Variants in BDP1 observed in about 807,000 individuals in gnomAD.
The protein encoded by BDP1 is BDP1 general transcription factor IIIB subunit, also known as transcription factor TFIIIB component B'' homolog.
Under a neutral mutation model 266.6 loss-of-function variants are expected in BDP1, and 169 were observed. The observed-to-expected ratio is 0.63, with a 90% confidence interval of 0.56 to 0.72. The LOEUF (loss-of-function observed/expected upper bound fraction) is 0.72. BDP1 is among the 30% of genes least tolerant of loss of function. The probability of loss-of-function intolerance (pLI) is 0.00; values close to 1 mark genes in which losing one functional copy is unlikely to be tolerated. For synonymous variants in BDP1, 1,090 were observed against 1,022.4 expected (o/e 1.07, Z -1.26); for missense variants, 3,015 against 3,053.8 (o/e 0.99, Z 0.30).
At chr5:71,558,814 G>A (rs1351471570) in intron 36 of BDP1, among the ~76,000 whole-genome samples, 26 of 140,594 alleles carry the variant, frequency 1.8e-4, no homozygotes, top group African/African-American at 5.3e-4. Flanking sequence ...CAACAAGAGC[G>A]AAACTCTGTC....
chr5:71,455,973 GTCTCCCAGGCCGCCGGAT>G lies in BDP1; in HGVS notation c.97_114del (p.Ser33_Asp38del). ...CTTCCAATCCCCAGCGTGGACGGGA[GTCTCCCAGGCCGCCGGAT>G]CCTGCCACGGACTCTGCTTCCAAGC... On this transcript the variant is annotated inframe_deletion, in exon 1 of 39. Coordinates refer to ENST00000358731, the MANE Select transcript of BDP1 (RefSeq NM_018429.3). 6.2e-7 allele frequency: 1 copy of G among 1,613,362 alleles called. No homozygotes were observed. The highest frequency in any genetic ancestry group is 2.2e-5 in the East Asian group (1 of 44,880).
chr5:71,510,299 A>C lies in BDP1; in HGVS notation c.3207A>C (p.Arg1069Ser). Residue 1069 changes from arginine (R) to serine (S), a missense_variant, in exon 17 of 39, where the codon AGA (arginine) becomes AGC (serine). Transcript: ENST00000358731. ...EMETDLKATG[R>S]DSFPRGKTPE... Reference sequence around the variant, plus strand: ...AGACGGATTTGAAAGCAACTGGAAGAGACAGTTTCCCAAGGGGGAAGACAC... The same window carrying C: ...AGACGGATTTGAAAGCAACTGGAAGCGACAGTTTCCCAAGGGGGAAGACAC... 6.2e-7 allele frequency: 1 copy of C among 1,612,664 alleles called. No individual in the cohort carries two copies. Among genetic ancestry groups the C allele is most frequent in the East Asian group, 2.2e-5 (1 of 44,748 alleles).
chr5:71,488,725 A>G (rs1222357647), intron 9 of BDP1, among the ~76,000 whole-genome samples: 1 of 144,666 alleles, frequency 6.9e-6, no homozygotes, highest in Non-Finnish European at 1.5e-5. Flanking sequence ...CACCATGCCC[A>G]GCCCAGAGTT....
intron 22 of BDP1, among the ~76,000 whole-genome samples, chr5:71,520,649 C>T (rs1765447257): frequency 6.7e-6 from 1 of 150,118 alleles, no homozygotes; most frequent in African/African-American, 2.5e-5. Flanking sequence ...TCATTTATTC[C>T]ACAAACATTT....
At position 71,565,421 on chromosome 5, in the gene BDP1, G is replaced by A; in HGVS notation, c.*536G>A. ...ACAGTGGTCCCATGCAATTAAAATG[G>A]AGATAAATTCCTATCAACTAGTGAC... On this transcript the variant is annotated 3_prime_UTR_variant, in exon 39 of 39. Coordinates refer to ENST00000358731, the MANE Select transcript of BDP1 (RefSeq NM_018429.3). The A allele has an allele frequency of 6.6e-6, 1 of 152,404 alleles. No homozygotes were observed. The highest frequency in any genetic ancestry group is 3.2e-3 in the Middle Eastern group (1 of 316). 9.4% of individuals were successfully genotyped at this position (152,404 alleles called of 1,614,324 possible).
intron 37 of BDP1, among the ~76,000 whole-genome samples, chr5:71,561,012 G>A (rs1221431076): frequency 6.6e-6 from 1 of 152,202 alleles, no homozygotes; most frequent in Non-Finnish European, 1.5e-5. Context: ...TCAGGAGGCT[G>A]AGGCCGGAGT....
At chr5:71,533,884 A>G (rs985279162) in intron 26 of BDP1, among the ~76,000 whole-genome samples, 1 of 152,148 alleles carries the variant, frequency 6.6e-6, no homozygotes, top group African/African-American at 2.4e-5. Context: ...GGCCATTTGT[A>G]TATCATCTTT....
the BDP1 span, among the ~76,000 whole-genome samples, chr5:71,573,217 G>C: frequency 2.1e-5 from 3 of 141,560 alleles, no homozygotes; most frequent in Non-Finnish European, 4.5e-5. Flanking sequence ...GACAGAACGA[G>C]ACTCTGTTTC....
chr5:71,562,456 A>T lies in BDP1; in HGVS notation c.7679A>T (p.Asp2560Val). The T allele has an allele frequency of 1.2e-6, 2 of 1,613,944 alleles. No homozygotes were observed. Among genetic ancestry groups the T allele is most frequent in the Non-Finnish European group, 1.7e-6 (2 of 1,179,848 alleles). Residue 2560 changes from aspartate to valine, a missense_variant, in exon 38 of 39, where the codon GAT becomes GTT. By Grantham distance (152) the Asp-to-Val change is radical (BLOSUM62 -3). Transcript: ENST00000358731. ...ESQEKNRESSDLLPSPSVITT... is the reference protein window; with the variant it reads ...ESQEKNRESSVLLPSPSVITT... ...CAGGAAAAAAATCGAGAGTCCTCTG[A>T]TCTGCTTCCATCTCCAAGTGTTATT...
At chr5:71,498,477 G>T (rs1450568083) in intron 13 of BDP1, among the ~76,000 whole-genome samples, 1 of 151,456 alleles carries the variant, frequency 6.6e-6, no homozygotes, top group Non-Finnish European at 1.5e-5. Context: ...AGGCTGGAGT[G>T]CAGTGGCACG....
intron 20 of BDP1, 83 bp from the exon 21 acceptor site, chr5:71,515,978 G>T: frequency 1.1e-6 from 1 of 908,986 alleles, no homozygotes; most frequent in Non-Finnish European, 1.7e-6. Flanking sequence ...TTTATTAGAG[G>T]AGATCCAAAT....
intron 11 of BDP1, among the ~76,000 whole-genome samples, chr5:71,491,697 T>C (rs1053776172): frequency 1.3e-5 from 2 of 152,020 alleles, no homozygotes; most frequent in African/African-American, 4.8e-5. Context: ...TTGGCAATCA[T>C]GATTCTTTCT....
chr5:71,522,866 A>G lies in BDP1; in HGVS notation c.5304A>G (p.Pro1768=), dbSNP rs1475822660. The G allele has an allele frequency of 1.9e-6, 3 of 1,613,912 alleles. No individual in the cohort carries two copies. The highest frequency in any genetic ancestry group is 4.5e-5 in the East Asian group (2 of 44,858). ...KIDAELEEVG[P]SRRVGEETVG... ...ATGCGGAATTAGAAGAAGTTGGACC[A>G]TCAAGAAGGGTTGGAGAGGAAACTG... The change falls in exon 24 of 39, where the codon CCA becomes CCG. Residue 1768 remains proline (P), a synonymous_variant. Transcript: ENST00000358731.
At position 71,553,384 on chromosome 5, in the gene BDP1, T is replaced by C. The variant is rs567656872; in HGVS notation, c.7200+64T>C. On this transcript the variant is annotated intron_variant, in intron 35 of 38. Coordinates refer to ENST00000358731, the MANE Select transcript of BDP1 (RefSeq NM_018429.3). Reference sequence around the variant, plus strand: ...AGTAAGATGGCCATATTGCAACAGATCTGTTCCTATTTTTTCCTTTATTCT... The same window carrying C: ...AGTAAGATGGCCATATTGCAACAGACCTGTTCCTATTTTTTCCTTTATTCT... 5.3e-6 allele frequency: 6 copies of C among 1,124,768 alleles called. No homozygotes were observed. In the African/African-American group the frequency reaches 9.3e-5, roughly 18 times the overall value. 69.7% of individuals were successfully genotyped at this position (1,124,768 alleles called of 1,614,324 possible).
Position 71,455,969 on chromosome 5 carries a change from G to C in BDP1, c.92G>C (p.Arg31Pro), listed in dbSNP as rs1445735921. 3.1e-6 allele frequency: 5 copies of C among 1,613,158 alleles called. No homozygotes were observed. The highest frequency in any genetic ancestry group is 1.7e-5 in the Admixed American group (1 of 59,940). Reference sequence around the variant, plus strand: ...ACAGCTTCCAATCCCCAGCGTGGACGGGAGTCTCCCAGGCCGCCGGATCCT... The same window carrying C: ...ACAGCTTCCAATCCCCAGCGTGGACCGGAGTCTCCCAGGCCGCCGGATCCT... The part of the protein sequence containing the change: ...GSTASNPQRG[R>P]ESPRPPDPAT... Residue 31 changes from arginine (R) to proline (P), a missense_variant, in exon 1 of 39, where the codon CGG (arginine) becomes CCG (proline). Coordinates refer to ENST00000358731, the MANE Select transcript of BDP1 (RefSeq NM_018429.3).
chr5:71,512,185 A>G (rs1580113070), intron 17 of BDP1, 56 bp from the exon 18 acceptor site: 3 of 869,292 alleles, frequency 3.5e-6, no homozygotes, highest in East Asian at 2.9e-5. Flanking sequence ...TTTTAAATAT[A>G]TAAGATGTTT....
intron 7 of BDP1, among the ~76,000 whole-genome samples, chr5:71,474,328 A>G (rs1440486167): frequency 1.6e-5 from 2 of 127,484 alleles, no homozygotes; most frequent in East Asian, 2.4e-4. Flanking sequence ...ACAAATTTTG[A>G]TTTTTTTTTT....
chr5:71,566,249 T>C lies in BDP1; in HGVS notation c.*1364T>C, dbSNP rs1478040462. 6.6e-6 allele frequency: 1 copy of C among 152,626 alleles called. No individual in the cohort carries two copies. Among genetic ancestry groups the C allele is most frequent in the Admixed American group, 6.6e-5 (1 of 15,266 alleles). 9.5% of individuals were successfully genotyped at this position (152,626 alleles called of 1,614,324 possible). A position where few individuals can be genotyped will look rare whatever the true frequency, so the allele number is the denominator to read the frequency against. On this transcript the variant is annotated 3_prime_UTR_variant, in exon 39 of 39. Coordinates refer to ENST00000358731, the MANE Select transcript of BDP1 (RefSeq NM_018429.3). ...CCTTTATACACCCACAGACATAATA[T>C]TAGTTTTTAAAAAGCCAATTTCTTC... is the stretch of plus-strand genomic sequence containing the variant.
At chr5:71,488,573 C>G (rs1763406426) in intron 9 of BDP1, among the ~76,000 whole-genome samples, 1 of 151,844 alleles carries the variant, frequency 6.6e-6, no homozygotes, top group South Asian at 2.1e-4. Context: ...GGATTACAGG[C>G]AAGTACCACC....
Sources: allele counts gnomAD v4.1 joint callset (sites outside exome capture counted in the v4.1 genomes callset), GRCh38; gene constraint gnomAD v4.1.1; transcripts MANE v1.5; gene names NCBI Gene and HGNC (gene_info 2026-07-23, HGNC 2026-07-21).